Variants in PRKCZ observed in about 807,000 individuals in gnomAD.
The protein encoded by PRKCZ is protein kinase C zeta.
PRKCZ carries 33 observed loss-of-function variants against 79.5 expected under a neutral mutation model. The observed-to-expected ratio is 0.41, with a 90% CI of 0.31 to 0.55. PRKCZ has a LOEUF of 0.55. Among genes scored for constraint, PRKCZ ranks in the 20% least tolerant of loss-of-function variants. The pLI is 0.19. For synonymous variants in PRKCZ, 342 were observed against 320.9 expected (o/e 1.07, Z -0.70); for missense variants, 578 against 813.5 (o/e 0.71, Z 3.52).
intron 4 of PRKCZ, among the ~76,000 whole-genome samples, chr1:2,089,040 C>T (rs1040289120): frequency 6.6e-6 from 1 of 152,232 alleles, no homozygotes; most frequent in Non-Finnish European, 1.5e-5. Flanking sequence ...AGGTTAGAAT[C>T]CCTCCCTGTC....
intron 10 of PRKCZ, chr1:2,169,165 C>T (rs1340204443): frequency 2.2e-6 from 1 of 462,436 alleles, no homozygotes; most frequent in Non-Finnish European, 4.3e-6. Flanking sequence ...CCCAGCAGAT[C>T]CTGTCCCAGC....
intron 4 of PRKCZ, among the ~76,000 whole-genome samples, chr1:2,076,133 C>T (rs1417270897): frequency 1.3e-5 from 2 of 152,158 alleles, no homozygotes; most frequent in Admixed American, 1.3e-4. Context: ...TGAGGGGGTG[C>T]CCAGTGCCAT....
At position 2,165,054 on chromosome 1, in the gene PRKCZ, G is replaced by A. The variant is rs531782793; in HGVS notation, c.975-4464G>A. Reference sequence around the variant, plus strand: ...TGGGACACACTGCCCTCCAGTGCTCGAGTGCATTTCCTGGGCACTTTCTGG... The same window carrying A: ...TGGGACACACTGCCCTCCAGTGCTCAAGTGCATTTCCTGGGCACTTTCTGG... On this transcript the variant is annotated intron_variant, in intron 10 of 17. Coordinates refer to ENST00000378567, the MANE Select transcript of PRKCZ (RefSeq NM_002744.6). This position sits in a 1 kb window ranked among gnomAD's most constrained non-coding sequence, Gnocchi z 4.1. 6.6e-5 allele frequency among the ~76,000 whole-genome samples: 10 copies of A among 152,342 alleles called. No individual in the cohort carries two copies. The highest frequency in any genetic ancestry group is 1.2e-4 in the African/African-American group (5 of 41,590).
intron 4 of PRKCZ, among the ~76,000 whole-genome samples, chr1:2,110,848 T>C (rs561191604): frequency 4.2e-4 from 64 of 151,980 alleles, no homozygotes; most frequent in African/African-American, 1.5e-3. Flanking sequence ...CTGTAGGGGC[T>C]GGTGACAGTG....
rs769235438 is a variant in PRKCZ, at chr1:2,056,479, C to A, written c.194-5C>A. On this transcript the variant is annotated splice_polypyrimidine_tract_variant and splice_region_variant and intron_variant, in intron 2 of 17. Coordinates refer to ENST00000378567, the MANE Select transcript of PRKCZ (RefSeq NM_002744.6). ...GACGTCAGCACCGTCTCCTGCCCCA[C>A]CCAGGTGACCCTTGCACGGTGTCCT... 4.3e-6 allele frequency: 7 copies of A among 1,612,924 alleles called. No homozygotes were observed. Among genetic ancestry groups the A allele is most frequent in the South Asian group, 1.1e-5 (1 of 90,742 alleles).
chr1:2,176,563 C>T (rs1228185650), intron 16 of PRKCZ, among the ~76,000 whole-genome samples: 1 of 152,222 alleles, frequency 6.6e-6, no homozygotes, highest in Non-Finnish European at 1.5e-5. Flanking sequence ...TTAAAATACA[C>T]TCTCAAGGAA....
intron 4 of PRKCZ, among the ~76,000 whole-genome samples, chr1:2,112,899 C>T (rs1178738590): frequency 1.3e-5 from 2 of 152,168 alleles, no homozygotes; most frequent in South Asian, 2.1e-4. Context: ...ACCGTGTTGG[C>T]CAGGCTGGTC....
rs367904423 is a variant in PRKCZ at position 2,149,440 on chromosome 1, G to A, written c.687+516G>A. 6.6e-5 allele frequency among the ~76,000 whole-genome samples: 10 copies of A among 152,288 alleles called. No individual in the cohort carries two copies. The East Asian group carries it at 1.4e-3, about 21-fold the overall frequency. On this transcript the variant is annotated intron_variant, in intron 8 of 17. Transcript: ENST00000378567. This position sits in a 1 kb window ranked among gnomAD's most constrained non-coding sequence, Gnocchi z 4.1. ...CTTGCTGCGTTCTCAGCCTCTGCTC[G>A]TAAAACCCAGGGAAGGACTGCACTA...
rs1663749069 is a variant in PRKCZ, at chr1:2,082,550, ATGG to A, written c.334+22963_334+22965del. ...GTAAATGCTCTGTGAGGAAGGAACG[ATGG>A]TGGGATTTGTCACTCAGTCGATTTC... is the stretch of plus-strand genomic sequence containing the variant. On this transcript the variant is annotated intron_variant, in intron 4 of 17. Coordinates refer to ENST00000378567, the MANE Select transcript of PRKCZ (RefSeq NM_002744.6). The surrounding 1 kb of genome is among the most constrained non-coding windows in gnomAD (Gnocchi z 4.4). 2.6e-6 allele frequency: 1 copy of A among 380,242 alleles called. No homozygotes were observed. The highest frequency in any genetic ancestry group is 5.2e-6 in the Non-Finnish European group (1 of 191,162). The allele number at this position is 380,242 out of a possible 1,614,324, so 23.6% of individuals were successfully genotyped here.
At chr1:2,119,529 T>C (rs75954386) in intron 4 of PRKCZ, among the ~76,000 whole-genome samples, 1,728 of 152,280 alleles carry the variant, frequency 0.011, 36 homozygotes, top group African/African-American at 0.037. Flanking sequence ...TATTCTTCTT[T>C]CCTTATTGTT....
In PRKCZ at chr1:2,154,082, C is replaced by T. The variant is rs542890664; in HGVS notation, c.877-1913C>T. ...TGGGTCATGATGCCAACGCCGACGT[C>T]CCTGCGGGGCCACAGTGGGTGGGTG... On this transcript the variant is annotated intron_variant, in intron 9 of 17. Coordinates refer to ENST00000378567, the MANE Select transcript of PRKCZ (RefSeq NM_002744.6). 3.9e-5 allele frequency among the ~76,000 whole-genome samples: 6 copies of T among 152,288 alleles called. No individual in the cohort carries two copies. The South Asian group carries it at 8.3e-4, about 21-fold the overall frequency.
Position 2,175,378 on chromosome 1 carries a change from C to CA in PRKCZ, c.1575+66dup, listed in dbSNP as rs2100408658. 4 of 1,354,024 alleles carry CA rather than the reference C, an allele frequency of 3.0e-6. No homozygotes were observed. The East Asian group carries it at 9.8e-5, about 33-fold the overall frequency. 83.9% of individuals were successfully genotyped at this position (1,354,024 alleles called of 1,614,324 possible). ...CCCAACCCCAAATCTACCCAACCCCCATCCCAACCCCAACCCCAATATTCA... is the reference window on the plus strand; with the variant it reads ...CCCAACCCCAAATCTACCCAACCCCCAATCCCAACCCCAACCCCAATATTCA... On this transcript the variant is annotated intron_variant, in intron 16 of 17. Coordinates refer to ENST00000378567, the MANE Select transcript of PRKCZ (RefSeq NM_002744.6).
At chr1:2,092,564 G>A (rs766670649) in intron 4 of PRKCZ, among the ~76,000 whole-genome samples, 2 of 152,210 alleles carry the variant, frequency 1.3e-5, no homozygotes. Flanking sequence ...GGAGCAGTGG[G>A]GCCAGGTGGA....
rs374566856 is a variant in PRKCZ, at chr1:2,178,450, G to A, written c.1575+3137G>A. ...ATCCGTCCTCAGTGGACATAGGGTG[G>A]CCTCCACTTTCTGGCCATTGTGAAT... On this transcript the variant is annotated intron_variant, in intron 16 of 17. Transcript: ENST00000378567. The surrounding 1 kb of genome is among the most constrained non-coding windows in gnomAD (Gnocchi z 4.3). Among the ~76,000 whole-genome samples the A allele has an allele frequency of 2.6e-5, 4 of 152,368 alleles. 1 individual carries two copies. The South Asian group carries it at 8.3e-4, about 32-fold the overall frequency.
chr1:2,102,985 T>A (rs1667759074), intron 4 of PRKCZ, among the ~76,000 whole-genome samples: 1 of 152,082 alleles, frequency 6.6e-6, no homozygotes, highest in Non-Finnish European at 1.5e-5. Flanking sequence ...GCCTCCCACC[T>A]CAGCCTCCCA....
rs902366702 is a variant in PRKCZ at position 2,171,741 on chromosome 1, G to A, written c.1062-314G>A. 8.8e-5 allele frequency: 29 copies of A among 329,086 alleles called. No individual in the cohort carries two copies. The South Asian group carries it at 9.9e-4, about 11-fold the overall frequency. 20.4% of individuals were successfully genotyped at this position (329,086 alleles called of 1,614,324 possible). A position where few individuals can be genotyped will look rare whatever the true frequency, so the allele number is the denominator to read the frequency against. ...CGCTGTTCTGCACTCCTACCACAAC[G>A]TGCCATGGCTCCGGTCTTTCCCGCA... is the stretch of plus-strand genomic sequence containing the variant. On this transcript the variant is annotated intron_variant, in intron 11 of 17. Transcript: ENST00000378567.
At chr1:2,067,497 G>A (rs536274802) in intron 4 of PRKCZ, among the ~76,000 whole-genome samples, 15 of 152,296 alleles carry the variant, frequency 9.8e-5, no homozygotes, top group South Asian at 6.2e-4. Flanking sequence ...GTCACGCCCC[G>A]GTCGAGTGGG....
At chr1:2,119,918 C>T (rs1053339655) in intron 4 of PRKCZ, among the ~76,000 whole-genome samples, 3 of 151,864 alleles carry the variant, frequency 2.0e-5, no homozygotes, top group Non-Finnish European at 4.4e-5. Context: ...TCCTGAGGAG[C>T]TAGGATTGCA....
At chr1:2,092,844 A>G (rs543149113) in intron 4 of PRKCZ, among the ~76,000 whole-genome samples, 2 of 152,296 alleles carry the variant, frequency 1.3e-5, no homozygotes, top group East Asian at 3.9e-4. Context: ...GCTGGAGGAC[A>G]CTGAGGGCCT....
Sources: gnomAD v4.1 joint callset for allele counts (sites outside exome capture counted in the v4.1 genomes callset) on GRCh38, gnomAD v4.1.1 for gene constraint, Gnocchi (gnomAD v3.1) non-coding constraint, MANE v1.5 for transcripts, NCBI Gene and HGNC (gene_info 2026-07-23, HGNC 2026-07-21) for gene names.